The following EYS variants were observed in gnomAD, a reference collection of about 807,000 sequenced individuals.
The protein encoded by EYS is EGF-like photoreceptor maintenance factor.
In EYS, 250 loss-of-function variants were observed where a neutral mutation model predicts 282.1. The ratio of observed to expected loss-of-function variants is 0.89; its 90% CI spans 0.80 to 0.98. The LOEUF (loss-of-function observed/expected upper bound fraction) is 0.98. EYS is among the 50% of genes least tolerant of loss of function. The pLI, the probability that EYS is intolerant of heterozygous loss-of-function variation, is 0.00. For synonymous variants in EYS, 1,355 were observed against 1,282.9 expected (o/e 1.06, Z -1.20); for missense variants, 4,016 against 3,709.0 (o/e 1.08, Z -2.15).
In EYS at chr6:63,835,325, T is replaced by A. The variant is rs139856363; in HGVS notation, c.7228+28861A>T. Among the ~76,000 whole-genome samples the A allele has an allele frequency of 3.8e-3, 582 of 151,196 alleles. 3 individuals are homozygous for A. The highest frequency in any genetic ancestry group is 0.012 in the African/African-American group (507 of 41,158). ...TACATATATACTCTATATATACATATATACTCTCTCTCTATATATATATAC... is the reference window on the plus strand; with the variant it reads ...TACATATATACTCTATATATACATAAATACTCTCTCTCTATATATATATAC... On this transcript the variant is annotated intron_variant, in intron 36 of 42. Coordinates refer to ENST00000503581, the MANE Select transcript of EYS (RefSeq NM_001142800.2).
chr6:64,022,927 C>T (rs1769259977), intron 33 of EYS, among the ~76,000 whole-genome samples: 1 of 152,202 alleles, frequency 6.6e-6, no homozygotes, highest in East Asian at 1.9e-4. Flanking sequence ...ATTCTTGCTT[C>T]TCAAATAAAA....
At chr6:64,121,068 G>GC (rs1227758939) in intron 31 of EYS, among the ~76,000 whole-genome samples, 1 of 152,068 alleles carries the variant, frequency 6.6e-6, no homozygotes, top group Non-Finnish European at 1.5e-5. Flanking sequence ...TTTGCCATGT[G>GC]CCCCCCTCCC....
chr6:64,882,177 T>C (rs1766946054), intron 19 of EYS, among the ~76,000 whole-genome samples: 1 of 151,758 alleles, frequency 6.6e-6, no homozygotes, highest in East Asian at 1.9e-4. Context: ...AGGGACAATG[T>C]CTTTCTCCAT....
intron 31 of EYS, among the ~76,000 whole-genome samples, chr6:64,166,555 A>G (rs1764296767): frequency 6.6e-6 from 1 of 152,188 alleles, no homozygotes; most frequent in Admixed American, 6.5e-5. Context: ...GGGCCTGTCC[A>G]GGTCTAGAAT....
chr6:64,744,499 G>C (rs1017590675), intron 22 of EYS, among the ~76,000 whole-genome samples: 2 of 152,150 alleles, frequency 1.3e-5, no homozygotes, highest in Non-Finnish European at 2.9e-5. Context: ...AGTAACTATA[G>C]TACAGTTTCA....
chr6:64,562,407 A>G (rs892532374), intron 26 of EYS, among the ~76,000 whole-genome samples: 2 of 151,952 alleles, frequency 1.3e-5, no homozygotes, highest in African/African-American at 4.8e-5. Context: ...GAGGAAAAAT[A>G]ATAGACTGAG....
At chr6:63,735,810 C>G (rs1349396823) in intron 41 of EYS, among the ~76,000 whole-genome samples, 1 of 151,974 alleles carries the variant, frequency 6.6e-6, no homozygotes, top group Admixed American at 6.6e-5. Context: ...CTTCATATTT[C>G]TTCAATCTGG....
chr6:64,106,432 A>G (rs1396185195), intron 31 of EYS, among the ~76,000 whole-genome samples: 3 of 152,146 alleles, frequency 2.0e-5, no homozygotes, highest in Non-Finnish European at 2.9e-5. Flanking sequence ...ACAAAATTAT[A>G]GGTAGTGTTT....
At chr6:64,701,939 T>C (rs1315167774) in intron 22 of EYS, among the ~76,000 whole-genome samples, 3 of 152,064 alleles carry the variant, frequency 2.0e-5, no homozygotes, top group Admixed American at 2.0e-4. Context: ...CTTTGCAATT[T>C]ACAATAATTA....
chr6:65,038,582 C>T (rs956733630), intron 13 of EYS, among the ~76,000 whole-genome samples: 3 of 151,340 alleles, frequency 2.0e-5, no homozygotes, highest in Non-Finnish European at 4.4e-5. Context: ...TTTCATTTCA[C>T]TTGTTTATAT....
chr6:64,795,244 A>AT (rs575023474), intron 22 of EYS, among the ~76,000 whole-genome samples: 23 of 152,236 alleles, frequency 1.5e-4, no homozygotes, highest in Non-Finnish European at 3.1e-4. Flanking sequence ...TCAAAAAAAA[A>AT]AAAAAGAAGT....
At chr6:64,446,656 T>G (rs904155465) in intron 26 of EYS, among the ~76,000 whole-genome samples, 1 of 152,024 alleles carries the variant, frequency 6.6e-6, no homozygotes, top group African/African-American at 2.4e-5. Flanking sequence ...TATACAAGAT[T>G]AAATGTGAAA....
chr6:64,808,727 C>G (rs1025665023), intron 22 of EYS, among the ~76,000 whole-genome samples: 1 of 151,946 alleles, frequency 6.6e-6, no homozygotes, highest in African/African-American at 2.4e-5. Context: ...AAGAATCTAC[C>G]TATCTTTCAA....
Position 64,010,393 on chromosome 6 carries a change from T to TGG in EYS, c.6726-11212_6726-11211dup, listed in dbSNP as rs199583269. ...GGCATTGGCTGTGTGTGTGTTTGGT[T>TGG]GGGGGGGGGGGTGGTGGTGTGGAGA... is the stretch of plus-strand genomic sequence containing the variant. On this transcript the variant is annotated intron_variant, in intron 33 of 42. Coordinates refer to ENST00000503581, the MANE Select transcript of EYS (RefSeq NM_001142800.2). Among the ~76,000 whole-genome samples, 21 of 70,214 alleles carry TGG rather than the reference T, an allele frequency of 3.0e-4. No individual in the cohort carries two copies. In the East Asian group the frequency reaches 5.8e-3, roughly 19 times the overall value. The allele number at this position is 70,214 out of a possible 152,430, so 46.1% of individuals were successfully genotyped here.
At chr6:64,040,308 G>A (rs2149836704) in intron 33 of EYS, among the ~76,000 whole-genome samples, 1 of 152,244 alleles carries the variant, frequency 6.6e-6, no homozygotes, top group Admixed American at 6.5e-5. Context: ...AATGCTATGG[G>A]GGTGGTGGTG....
intron 30 of EYS, among the ~76,000 whole-genome samples, chr6:64,261,646 C>T (rs1767593919): frequency 6.6e-6 from 1 of 151,940 alleles, no homozygotes; most frequent in South Asian, 2.1e-4. Flanking sequence ...TATTCAAGTA[C>T]TGTTTTTCTA....
At chr6:65,563,990 G>C (rs1054968946) in intron 2 of EYS, among the ~76,000 whole-genome samples, 2 of 151,990 alleles carry the variant, frequency 1.3e-5, no homozygotes, top group Admixed American at 6.6e-5. Context: ...CAATAATAGA[G>C]AGCCAAATCA....
At chr6:65,321,980 T>C (rs1001863737) in intron 11 of EYS, among the ~76,000 whole-genome samples, 2 of 152,196 alleles carry the variant, frequency 1.3e-5, no homozygotes, top group Non-Finnish European at 2.9e-5. Flanking sequence ...CAGGATGCTT[T>C]TCTTTTCTCC....
chr6:64,704,603 CA>C (rs1277237940), intron 22 of EYS, among the ~76,000 whole-genome samples: 1 of 149,910 alleles, frequency 6.7e-6, no homozygotes, highest in Non-Finnish European at 1.5e-5. Flanking sequence ...GACATTGTCC[CA>C]TGGAATATGA....
Sources: allele counts gnomAD v4.1 joint callset (sites outside exome capture counted in the v4.1 genomes callset), GRCh38; gene constraint gnomAD v4.1.1; transcripts MANE v1.5; gene names NCBI Gene and HGNC (gene_info 2026-07-23, HGNC 2026-07-21).